The following CPSF2 variants were observed in gnomAD, a reference collection of about 807,000 sequenced individuals.
CPSF2 encodes the protein cleavage and polyadenylation specific factor 2, also known as cleavage and polyadenylation specificity factor subunit 2.
A neutral mutation model predicts 84.2 loss-of-function variants in CPSF2; 51 were observed. That is an observed-to-expected ratio of 0.61 (90% CI 0.48 to 0.77). CPSF2 has a LOEUF of 0.77. Among genes scored for constraint, CPSF2 ranks in the 30% least tolerant of loss-of-function variants. The probability of loss-of-function intolerance (pLI) is 0.00; values close to 1 mark genes in which losing one functional copy is unlikely to be tolerated. For synonymous variants in CPSF2, 286 were observed against 311.9 expected, an observed-to-expected ratio of 0.92 and a Z score of 0.87; for missense variants, 641 against 929.4, an observed-to-expected ratio of 0.69 and a Z score of 4.03.
chr14:92,121,988 A>C lies in CPSF2; in HGVS notation c.-234A>C. 2 of 715,180 alleles carry C rather than the reference A, an allele frequency of 2.8e-6. No individual in the cohort carries two copies. The highest frequency in any genetic ancestry group is 2.3e-6 in the Non-Finnish European group (1 of 432,530). The allele number at this position is 715,180 out of a possible 1,614,324, so 44.3% of individuals were successfully genotyped here. A position where few individuals can be genotyped will look rare whatever the true frequency, so the allele number is the denominator to read the frequency against. The stretch of plus-strand genomic sequence containing the variant: ...TCCGCCGCTAGTCTCCAGCTCCAAA[A>C]TGGCGGCTGCCACTGTGGGGCTTCT... On this transcript the variant is annotated 5_prime_UTR_variant, in exon 1 of 16. It removes an upstream start codon present in the reference 5' UTR. Coordinates refer to ENST00000298875, the MANE Select transcript of CPSF2 (RefSeq NM_017437.3).
At position 92,166,653 on chromosome 14, in the gene CPSF2, T is replaced by C. The variant is rs979783971; in HGVS notation, c.*4909T>C. On this transcript the variant is annotated 3_prime_UTR_variant, in exon 16 of 16. Transcript: ENST00000298875. ...AGGCATGAGTCACCATTCCTGGCATTAATTTTTGTATATGGTGTGAGGTAG... is the reference window on the plus strand; with the variant it reads ...AGGCATGAGTCACCATTCCTGGCATCAATTTTTGTATATGGTGTGAGGTAG... The C allele has an allele frequency of 6.6e-6, 1 of 152,106 alleles. No individual in the cohort carries two copies. The highest frequency in any genetic ancestry group is 2.1e-4 in the South Asian group (1 of 4,822). 9.4% of individuals were successfully genotyped at this position (152,106 alleles called of 1,614,324 possible). A position where few individuals can be genotyped will look rare whatever the true frequency, so the allele number is the denominator to read the frequency against.
rs374296504 is a variant in CPSF2 at position 92,130,782 on chromosome 14, T to TA, written c.-34-158dup. Reference sequence around the variant, plus strand: ...GTGACTTAATAAACTTGCTTTCACTTAAAAAAAAAAAGTAAACTTGGCAAT... The same window carrying TA: ...GTGACTTAATAAACTTGCTTTCACTTAAAAAAAAAAAAGTAAACTTGGCAAT... On this transcript the variant is annotated intron_variant, in intron 2 of 15. Transcript: ENST00000298875. 2.1e-3 allele frequency among the ~76,000 whole-genome samples: 302 copies of TA among 146,974 alleles called. 3 individuals carry two copies. The highest frequency in any genetic ancestry group is 5.3e-3 in the African/African-American group (214 of 40,408).
rs750505948 is a variant in CPSF2, at chr14:92,131,100, A to C, written c.116A>C (p.His39Pro). Residue 39 changes from histidine to proline, a missense_variant, in exon 3 of 16, where the codon CAC (histidine) becomes CCC (proline). Physicochemically the swap from His to Pro is moderately conservative, Grantham distance 77 (BLOSUM62 -2). Transcript: ENST00000298875. ...TTATTGGACTGTGGCTGGGATGAGCACTTTTCTATGGATATTATTGATTCC... is the reference window on the plus strand; with the variant it reads ...TTATTGGACTGTGGCTGGGATGAGCCCTTTTCTATGGATATTATTGATTCC... ...RFLLDCGWDE[H>P]FSMDIIDSLR... The C allele has an allele frequency of 6.2e-7, 1 of 1,611,454 alleles. No homozygotes were observed. The highest frequency in any genetic ancestry group is 8.5e-7 in the Non-Finnish European group (1 of 1,179,046).
At position 92,134,293 on chromosome 14, in the gene CPSF2, A is replaced by T; in HGVS notation, c.353A>T (p.Asp118Val). The stretch of plus-strand genomic sequence containing the variant: ...GATTTTACACTCTTTACATTAGATG[A>T]TGTGGATGCAGCCTTTGATAAAATA... ...TEDFTLFTLD[D>V]VDAAFDKIQQ... Residue 118 changes from aspartate (D) to valine (V), a missense_variant, in exon 5 of 16, where the codon GAT becomes GTT. Transcript: ENST00000298875. 6.2e-7 allele frequency: 1 copy of T among 1,613,722 alleles called. No individual in the cohort carries two copies.
At chr14:92,145,070 A>G (rs2069125872) in intron 9 of CPSF2, among the ~76,000 whole-genome samples, 1 of 152,190 alleles carries the variant, frequency 6.6e-6, no homozygotes, top group African/African-American at 2.4e-5. Flanking sequence ...GATTTTTCAA[A>G]ATTAGTATAT....
intron 3 of CPSF2, among the ~76,000 whole-genome samples, chr14:92,132,694 C>T (rs1237463699): frequency 2.6e-5 from 4 of 151,180 alleles, no homozygotes; most frequent in Admixed American, 2.6e-4. Flanking sequence ...ATCACTTGAA[C>T]CTGGGAGGCG....
rs2069448987 is a variant in CPSF2 at position 92,166,468 on chromosome 14, T to G, written c.*4724T>G. 6.6e-6 allele frequency: 1 copy of G among 151,956 alleles called. No homozygotes were observed. Among genetic ancestry groups the G allele is most frequent in the Non-Finnish European group, 1.5e-5 (1 of 68,004 alleles). The allele number at this position is 151,956 out of a possible 1,614,324, so 9.4% of individuals were successfully genotyped here. Reference sequence around the variant, plus strand: ...CTCAAGCAGTCCTCCCACCTCAGCCTCCCAAGTAGCTGAGATTACAAGTGT... The same window carrying G: ...CTCAAGCAGTCCTCCCACCTCAGCCGCCCAAGTAGCTGAGATTACAAGTGT... On this transcript the variant is annotated 3_prime_UTR_variant, in exon 16 of 16. Transcript: ENST00000298875.
In CPSF2 at chr14:92,158,855, C is replaced by T. The variant is rs540862284; in HGVS notation, c.1822-128C>T. ...GAGGTCATTGCAGGTCATTGTGGGACTCAGATGAGTGAAAGATTTTCCAAT... is the reference window on the plus strand; with the variant it reads ...GAGGTCATTGCAGGTCATTGTGGGATTCAGATGAGTGAAAGATTTTCCAAT... On this transcript the variant is annotated intron_variant, in intron 13 of 15. Transcript: ENST00000298875. The T allele has an allele frequency of 6.5e-5, 52 of 800,170 alleles. No homozygotes were observed. In the South Asian group the frequency reaches 8.7e-4, roughly 13 times the overall value. The allele number at this position is 800,170 out of a possible 1,614,324, so 49.6% of individuals were successfully genotyped here.
At chr14:92,145,749 T>C (rs868613723) in intron 9 of CPSF2, among the ~76,000 whole-genome samples, 1 of 152,164 alleles carries the variant, frequency 6.6e-6, no homozygotes, top group Non-Finnish European at 1.5e-5. Flanking sequence ...AGAAAAATGG[T>C]TTAAGTTTGG....
intron 1 of CPSF2, among the ~76,000 whole-genome samples, chr14:92,125,231 C>T (rs1036962120): frequency 6.6e-6 from 1 of 152,080 alleles, no homozygotes; most frequent in African/African-American, 2.4e-5. Flanking sequence ...TATTAGGGTA[C>T]TGGCAGTGGG....
At chr14:92,159,309 T>C in intron 14 of CPSF2, 27 bp downstream of exon 14, 1 of 1,536,566 alleles carries the variant, frequency 6.5e-7, no homozygotes, top group Non-Finnish European at 8.8e-7. Context: ...CTTTTTTGAT[T>C]TCTTCCTGAA....
chr14:92,161,051 G>A, intron 14 of CPSF2, 61 bp from the exon 15 acceptor site: 1 of 1,518,092 alleles, frequency 6.6e-7, no homozygotes, highest in Non-Finnish European at 9.1e-7. Flanking sequence ...ACTTTATTCA[G>A]TACAGTTGTA....
intron 2 of CPSF2, among the ~76,000 whole-genome samples, chr14:92,127,764 T>C (rs2068861307): frequency 6.6e-6 from 1 of 152,170 alleles, no homozygotes; most frequent in African/African-American, 2.4e-5. Flanking sequence ...ACGGCACACA[T>C]AGAGGGATTG....
chr14:92,154,664 C>T (rs1371203119), intron 10 of CPSF2, among the ~76,000 whole-genome samples: 1 of 152,120 alleles, frequency 6.6e-6, no homozygotes, highest in Non-Finnish European at 1.5e-5. Flanking sequence ...AATGTCAGTC[C>T]AATAAAGTTG....
chr14:92,138,149 G>C, intron 6 of CPSF2, 83 bp from the exon 7 acceptor site: 1 of 591,208 alleles, frequency 1.7e-6, no homozygotes, highest in Non-Finnish European at 2.9e-6. Context: ...TATAAATGAA[G>C]CTGCTTATTT....
intron 7 of CPSF2, among the ~76,000 whole-genome samples, chr14:92,138,789 A>G (rs151199669): frequency 6.6e-6 from 1 of 152,302 alleles, no homozygotes; most frequent in Non-Finnish European, 1.5e-5. Context: ...CTTTTACTGT[A>G]TCCGTCTCCA....
intron 6 of CPSF2, among the ~76,000 whole-genome samples, chr14:92,137,120 CA>C (rs1478696958): frequency 2.0e-5 from 3 of 151,538 alleles, no homozygotes; most frequent in Middle Eastern, 6.9e-3. Context: ...AAAAATATAC[CA>C]GTTGCAAGAT....
chr14:92,134,453 G>A, intron 5 of CPSF2, 98 bp downstream of exon 5: 2 of 786,980 alleles, frequency 2.5e-6, no homozygotes, highest in Non-Finnish European at 4.1e-6. Context: ...AGGCATTATA[G>A]GCTGAAGAAT....
chr14:92,133,836 A>G (rs1004442943), intron 3 of CPSF2, among the ~76,000 whole-genome samples, 175 bp from the exon 4 acceptor site: 4 of 152,168 alleles, frequency 2.6e-5, no homozygotes, highest in Admixed American at 2.6e-4. Context: ...TTTTGTAGCT[A>G]TGGAGAGCAC....
Sources: gnomAD v4.1 joint callset for allele counts (sites outside exome capture counted in the v4.1 genomes callset) on GRCh38, gnomAD v4.1.1 for gene constraint, MANE v1.5 for transcripts, NCBI Gene and HGNC (gene_info 2026-07-23, HGNC 2026-07-21) for gene names.